RASGRF2: variants seen among roughly 807,000 people sequenced by gnomAD.
RASGRF2 encodes ras-specific guanine nucleotide-releasing factor 2.
In RASGRF2, 76 loss-of-function variants were observed where a neutral mutation model predicts 151.0. The ratio of observed to expected loss-of-function variants is 0.50; its 90% CI spans 0.42 to 0.61. The LOEUF (loss-of-function observed/expected upper bound fraction) is 0.61, where lower values mean the gene tolerates loss of function less well. Among genes scored for constraint, RASGRF2 ranks in the 20% least tolerant of loss-of-function variants. RASGRF2 has a pLI of 0.00. For synonymous variants in RASGRF2, 504 were observed against 566.5 expected (o/e 0.89, Z 1.57); for missense variants, 1,148 against 1,564.6 (o/e 0.73, Z 4.49).
chr5:81,135,807 T>G (rs766748011), intron 17 of RASGRF2, among the ~76,000 whole-genome samples: 1 of 152,222 alleles, frequency 6.6e-6, no homozygotes, highest in Non-Finnish European at 1.5e-5. Flanking sequence ...AGGAGTAGAT[T>G]TGCTAGGTTG....
At chr5:80,964,316 G>GT (rs1283218678) in intron 1 of RASGRF2, among the ~76,000 whole-genome samples, 4 of 152,054 alleles carry the variant, frequency 2.6e-5, no homozygotes, top group Non-Finnish European at 4.4e-5. Flanking sequence ...CTTCTTTCTA[G>GT]TTAAGCTCCA....
intron 1 of RASGRF2, among the ~76,000 whole-genome samples, chr5:80,994,597 T>C (rs925418609): frequency 6.6e-6 from 1 of 152,150 alleles, no homozygotes; most frequent in Non-Finnish European, 1.5e-5. Context: ...CATTTTCTGA[T>C]CCATACATCT....
intron 17 of RASGRF2, among the ~76,000 whole-genome samples, chr5:81,149,279 A>G (rs1195841137): frequency 1.3e-5 from 2 of 152,260 alleles, no homozygotes; most frequent in Non-Finnish European, 2.9e-5. Flanking sequence ...TATATGCACC[A>G]TGGAAAACTA....
chr5:81,086,203 T>TA (rs201550680), intron 8 of RASGRF2, among the ~76,000 whole-genome samples: 38 of 148,562 alleles, frequency 2.6e-4, no homozygotes, highest in Admixed American at 2.7e-4. Flanking sequence ...CTTTCAGCAT[T>TA]AAAAAAAAAA....
intron 1 of RASGRF2, among the ~76,000 whole-genome samples, chr5:81,006,017 C>T (rs753798554): frequency 9.9e-5 from 15 of 152,116 alleles, no homozygotes; most frequent in Non-Finnish European, 1.9e-4. Flanking sequence ...CAAGTTCAAA[C>T]GTTTTCCTGA....
At chr5:81,046,066 T>C (rs1750825708) in intron 2 of RASGRF2, among the ~76,000 whole-genome samples, 1 of 152,208 alleles carries the variant, frequency 6.6e-6, no homozygotes, top group Admixed American at 6.5e-5. Flanking sequence ...ATTTATGGTT[T>C]TATTGATCCT....
At chr5:80,979,732 A>G (rs182177108) in intron 1 of RASGRF2, among the ~76,000 whole-genome samples, 1 of 152,214 alleles carries the variant, frequency 6.6e-6, no homozygotes, top group Admixed American at 6.5e-5. Context: ...AAGGATGTCT[A>G]TATTGCATCC....
intron 2 of RASGRF2, among the ~76,000 whole-genome samples, chr5:81,052,201 A>G (rs903424625): frequency 6.6e-6 from 1 of 152,102 alleles, no homozygotes; most frequent in African/African-American, 2.4e-5. Flanking sequence ...GATACAAAAC[A>G]TTTTCTTCAG....
intron 1 of RASGRF2, among the ~76,000 whole-genome samples, chr5:81,016,601 T>C (rs556285658): frequency 6.6e-6 from 1 of 152,282 alleles, no homozygotes; most frequent in South Asian, 2.1e-4. Context: ...CCAAACTCCA[T>C]GAGCTGGATT....
chr5:81,051,091 G>A (rs1026264551), intron 2 of RASGRF2, among the ~76,000 whole-genome samples: 4 of 151,972 alleles, frequency 2.6e-5, no homozygotes, highest in African/African-American at 9.7e-5. Flanking sequence ...ATCATCTCAT[G>A]TCCTTTTCCC....
At chr5:81,179,751 C>G (rs1465174688) in intron 17 of RASGRF2, among the ~76,000 whole-genome samples, 1 of 152,136 alleles carries the variant, frequency 6.6e-6, no homozygotes, top group Non-Finnish European at 1.5e-5. Context: ...CATCCATAAG[C>G]CAAGATATGG....
At position 80,981,817 on chromosome 5, in the gene RASGRF2, C is replaced by T. The variant is rs111626818; in HGVS notation, c.288+20791C>T. ...CTGGCCTCGAGTGATCCACCTGCCTCGGCCTCCAAAGTATTCTTTAGGAGG... is the reference window on the plus strand; with the variant it reads ...CTGGCCTCGAGTGATCCACCTGCCTTGGCCTCCAAAGTATTCTTTAGGAGG... On this transcript the variant is annotated intron_variant, in intron 1 of 26. Coordinates refer to ENST00000265080, the MANE Select transcript of RASGRF2 (RefSeq NM_006909.3). Among the ~76,000 whole-genome samples the T allele has an allele frequency of 3.8e-3, 580 of 152,272 alleles. 5 individuals carry two copies. Among genetic ancestry groups the T allele is most frequent in the African/African-American group, 0.014 (565 of 41,558 alleles).
chr5:81,113,641 C>A lies in RASGRF2; in HGVS notation c.2191C>A (p.Leu731Met), dbSNP rs200014404. 8.7e-6 allele frequency: 14 copies of A among 1,611,964 alleles called. No homozygotes were observed. The highest frequency in any genetic ancestry group is 3.4e-6 in the Non-Finnish European group (4 of 1,178,120). Reference protein sequence around the residue: ...LCRKFSSPPPLAVSRTSSPVR... With the variant: ...LCRKFSSPPPMAVSRTSSPVR... ...TCGCAAATTCTCTTCCCCGCCACCACTGGCTGTGTCCAGAACATCTTCCCC... is the reference window on the plus strand; with the variant it reads ...TCGCAAATTCTCTTCCCCGCCACCAATGGCTGTGTCCAGAACATCTTCCCC... The change falls in exon 15 of 27, where the codon CTG (leucine) becomes ATG (methionine). Residue 731 changes from leucine to methionine, a missense_variant. Leu to Met is a conservative substitution (Grantham distance 15). Transcript: ENST00000265080.
chr5:81,023,119 A>G (rs1749889666), intron 1 of RASGRF2, among the ~76,000 whole-genome samples: 1 of 152,146 alleles, frequency 6.6e-6, no homozygotes, highest in South Asian at 2.1e-4. Flanking sequence ...GGTAACAAGT[A>G]CATTCCATTT....
At chr5:81,000,628 G>A (rs903566828) in intron 1 of RASGRF2, among the ~76,000 whole-genome samples, 1 of 151,816 alleles carries the variant, frequency 6.6e-6, no homozygotes, top group Non-Finnish European at 1.5e-5. Context: ...TTTTTCCTTA[G>A]TAAAAGTTAA....
At chr5:81,029,946 A>G (rs1321998017) in intron 1 of RASGRF2, among the ~76,000 whole-genome samples, 1 of 152,246 alleles carries the variant, frequency 6.6e-6, no homozygotes, top group East Asian at 1.9e-4. Flanking sequence ...AACAATGTAG[A>G]GAAGACCTTA....
At chr5:81,126,079 G>A (rs1214078319) in intron 16 of RASGRF2, among the ~76,000 whole-genome samples, 3 of 152,260 alleles carry the variant, frequency 2.0e-5, no homozygotes, top group African/African-American at 2.4e-5. Flanking sequence ...AGGCATGATT[G>A]TGAAACATTA....
intron 17 of RASGRF2, among the ~76,000 whole-genome samples, chr5:81,145,610 G>A (rs1753988003): frequency 6.6e-6 from 1 of 152,150 alleles, no homozygotes; most frequent in African/African-American, 2.4e-5. Flanking sequence ...CTTGCTGTGG[G>A]GAGAACCAGC....
At chr5:81,064,190 G>T (rs1302328683) in intron 2 of RASGRF2, among the ~76,000 whole-genome samples, 1 of 152,144 alleles carries the variant, frequency 6.6e-6, no homozygotes, top group African/African-American at 2.4e-5. Context: ...TGTTGGCTAG[G>T]TTCGCTTCCT....
Sources: allele counts gnomAD v4.1 joint callset (sites outside exome capture counted in the v4.1 genomes callset), GRCh38; gene constraint gnomAD v4.1.1; transcripts MANE v1.5; gene names NCBI Gene and HGNC (gene_info 2026-07-23, HGNC 2026-07-21).